The following PAPOLA variants were observed in gnomAD, a reference collection of about 807,000 sequenced individuals.
PAPOLA encodes polynucleotide adenylyltransferase alpha.
A neutral mutation model predicts 100.6 loss-of-function variants in PAPOLA; 15 were observed. The observed-to-expected ratio is 0.15, with a 90% CI of 0.10 to 0.23. The LOEUF is 0.23. Among genes scored for constraint, PAPOLA ranks in the 10% least tolerant of loss-of-function variants. The probability of loss-of-function intolerance (pLI) is 1.00; values close to 1 mark genes in which losing one functional copy is unlikely to be tolerated. For missense variants in PAPOLA, 533 were observed against 884.2 expected (o/e 0.60, Z 5.04); for synonymous variants, 293 against 300.0 (o/e 0.98, Z 0.24).
At chr14:96,531,627 G>T in intron 7 of PAPOLA, 41 bp downstream of exon 7, 1 of 1,564,552 alleles carries the variant, frequency 6.4e-7, no homozygotes. Flanking sequence ...TTCAGTTTTT[G>T]TCAGATATTA....
At chr14:96,509,473 C>CACAGA in intron 1 of PAPOLA, among the ~76,000 whole-genome samples, 1 of 152,106 alleles carries the variant, frequency 6.6e-6, no homozygotes, top group South Asian at 2.1e-4. Context: ...ATAGTGTATA[C>CACAGA]TTGTAGTATA....
rs745746693 is a variant in PAPOLA, at chr14:96,544,272, T to A, written c.1399+14T>A. The stretch of plus-strand genomic sequence containing the variant: ...TCACAGATACAGGTATGTCTTTACT[T>A]GGATAATCAAAACACTTCAGTTCTT... On this transcript the variant is annotated intron_variant, in intron 15 of 21. Coordinates refer to ENST00000216277, the MANE Select transcript of PAPOLA (RefSeq NM_032632.5). 53 of 1,229,044 alleles carry A rather than the reference T, an allele frequency of 4.3e-5. No individual in the cohort carries two copies. In the South Asian group the frequency reaches 6.0e-4, roughly 14 times the overall value. The allele number at this position is 1,229,044 out of a possible 1,614,324, so 76.1% of individuals were successfully genotyped here.
intron 21 of PAPOLA, among the ~76,000 whole-genome samples, chr14:96,564,138 T>C (rs562464071): frequency 5.3e-5 from 8 of 152,080 alleles, no homozygotes; most frequent in African/African-American, 1.9e-4. Flanking sequence ...TCTGGGGAGG[T>C]GATAATATTG....
chr14:96,562,162 G>A (rs1239852098), intron 20 of PAPOLA, among the ~76,000 whole-genome samples: 1 of 152,050 alleles, frequency 6.6e-6, no homozygotes, highest in African/African-American at 2.4e-5. Flanking sequence ...AAAGTGCTAG[G>A]ATTACAGGTG....
At chr14:96,548,626 T>C (rs1414102777) in intron 16 of PAPOLA, among the ~76,000 whole-genome samples, 3 of 152,194 alleles carry the variant, frequency 2.0e-5, no homozygotes, top group Admixed American at 6.5e-5. Context: ...CTGCATATAC[T>C]AATATGTTGA....
At chr14:96,511,498 T>C (rs1191684877) in intron 1 of PAPOLA, among the ~76,000 whole-genome samples, 1 of 152,252 alleles carries the variant, frequency 6.6e-6, no homozygotes, top group African/African-American at 2.4e-5. Context: ...GTTAGTCGTC[T>C]GCCTAGATTA....
intron 19 of PAPOLA, chr14:96,560,432 GT>G: frequency 2.3e-6 from 1 of 441,702 alleles, no homozygotes. Context: ...TGCAGTAACA[GT>G]TTTCCTAATG....
chr14:96,519,533 A>G (rs1223246938), intron 1 of PAPOLA, among the ~76,000 whole-genome samples: 2 of 152,160 alleles, frequency 1.3e-5, no homozygotes, highest in Admixed American at 6.5e-5. Flanking sequence ...AAATCTCTTA[A>G]AAAGATCATT....
intron 16 of PAPOLA, among the ~76,000 whole-genome samples, chr14:96,549,770 C>G (rs886687651): frequency 6.6e-6 from 1 of 152,178 alleles, no homozygotes; most frequent in African/African-American, 2.4e-5. Context: ...TCAAGTTAAA[C>G]ACTTGCTTTC....
At chr14:96,520,840 G>C (rs1897900042) in intron 2 of PAPOLA, 166 bp from the exon 3 acceptor site, 2 of 544,938 alleles carry the variant, frequency 3.7e-6, no homozygotes, top group Non-Finnish European at 6.8e-6. Flanking sequence ...GAAAGAGAGA[G>C]AGAGAGAAAG....
At chr14:96,553,060 G>C (rs1900978921) in intron 17 of PAPOLA, 1 of 153,296 alleles carries the variant, frequency 6.5e-6, no homozygotes, top group Non-Finnish European at 1.5e-5. Flanking sequence ...AACATTTACA[G>C]CAGTTAAAAT....
At position 96,566,981 on chromosome 14, in the gene PAPOLA, G is replaced by A. The variant is rs1157478694; in HGVS notation, c.*1931G>A. 3.9e-5 allele frequency: 6 copies of A among 152,498 alleles called. No individual in the cohort carries two copies. The highest frequency in any genetic ancestry group is 7.2e-5 in the African/African-American group (3 of 41,414). 9.4% of individuals were successfully genotyped at this position (152,498 alleles called of 1,614,324 possible). A position where few individuals can be genotyped will look rare whatever the true frequency, so the allele number is the denominator to read the frequency against. On this transcript the variant is annotated 3_prime_UTR_variant, in exon 22 of 22. Transcript: ENST00000216277. ...GATCAGACTGTTGCTTTCGCATGAT[G>A]TATGTAGTGTCTCATGACTGGAGTT...
At chr14:96,537,273 T>C in intron 12 of PAPOLA, 1 of 534,566 alleles carries the variant, frequency 1.9e-6, no homozygotes, top group South Asian at 2.3e-5. Flanking sequence ...CTAACTGAAC[T>C]CCTGCTACAT....
At chr14:96,531,650 CAA>C in intron 7 of PAPOLA, 64 bp downstream of exon 7, 1 of 1,549,588 alleles carries the variant, frequency 6.5e-7, no homozygotes, top group Non-Finnish European at 8.7e-7. Context: ...TGTTTTTACA[CAA>C]GTTTTGTATT....
In PAPOLA at chr14:96,566,210, C is replaced by T. The variant is rs1273803449; in HGVS notation, c.*1160C>T. ...TAATTCTTATTTTTAAATGGTTTACCAAAATTTGTCAGTACATTTTACGTG... is the reference window on the plus strand; with the variant it reads ...TAATTCTTATTTTTAAATGGTTTACTAAAATTTGTCAGTACATTTTACGTG... On this transcript the variant is annotated 3_prime_UTR_variant, in exon 22 of 22. Coordinates refer to ENST00000216277, the MANE Select transcript of PAPOLA (RefSeq NM_032632.5). The T allele has an allele frequency of 6.6e-6, 2 of 301,778 alleles. No individual in the cohort carries two copies. Among genetic ancestry groups the T allele is most frequent in the Non-Finnish European group, 1.2e-5 (2 of 165,240 alleles). 18.7% of individuals were successfully genotyped at this position (301,778 alleles called of 1,614,324 possible).
At chr14:96,533,085 C>A in intron 9 of PAPOLA, 9 of 977,012 alleles carry the variant, frequency 9.2e-6, no homozygotes, top group Non-Finnish European at 8.5e-6. Flanking sequence ...ATTAAAGATA[C>A]GAATTTTCAT....
At chr14:96,551,115 C>T (rs1171188918) in intron 16 of PAPOLA, among the ~76,000 whole-genome samples, 4 of 152,136 alleles carry the variant, frequency 2.6e-5, no homozygotes, top group Non-Finnish European at 4.4e-5. Context: ...GCTTTGAGGT[C>T]TCTTGCTACC....
intron 11 of PAPOLA, among the ~76,000 whole-genome samples, chr14:96,536,374 A>G (rs1899529495): frequency 6.6e-6 from 1 of 152,114 alleles, no homozygotes; most frequent in African/African-American, 2.4e-5. Context: ...ACCCAATTAC[A>G]TTCCATTATT....
intron 12 of PAPOLA, chr14:96,541,911 T>C (rs1301278083): frequency 5.8e-6 from 1 of 171,936 alleles, no homozygotes; most frequent in Non-Finnish European, 1.2e-5. Flanking sequence ...ATAAGTAGAT[T>C]ATATTTTAGT....
Sources: allele counts gnomAD v4.1 joint callset (sites outside exome capture counted in the v4.1 genomes callset), GRCh38; gene constraint gnomAD v4.1.1; transcripts MANE v1.5; gene names NCBI Gene and HGNC (gene_info 2026-07-23, HGNC 2026-07-21).